PRR14L: variants seen among roughly 807,000 people sequenced by gnomAD.
PRR14L encodes the protein proline rich 14 like, also known as protein PRR14L.
PRR14L carries 80 observed loss-of-function variants against 155.0 expected under a neutral mutation model. The observed-to-expected ratio is 0.52, with a 90% confidence interval of 0.43 to 0.62. The LOEUF is 0.62. Among genes scored for constraint, PRR14L ranks in the 20% least tolerant of loss-of-function variants. The pLI is 0.00. For synonymous variants in PRR14L, 883 were observed against 916.0 expected, an observed-to-expected ratio of 0.96 and a Z score of 0.65; for missense variants, 2,469 against 2,548.0, an observed-to-expected ratio of 0.97 and a Z score of 0.67.
intron 4 of PRR14L, among the ~76,000 whole-genome samples, chr22:31,707,705 C>T (rs1338891543): frequency 1.3e-5 from 2 of 152,064 alleles, no homozygotes; most frequent in South Asian, 4.1e-4. Context: ...CAATTTAAAG[C>T]TGTGTGCCCT....
chr22:31,727,487 G>C, intron 2 of PRR14L, among the ~76,000 whole-genome samples: 2 of 151,556 alleles, frequency 1.3e-5, no homozygotes, highest in Non-Finnish European at 2.9e-5. Flanking sequence ...CACCCACCTT[G>C]GCCTCTCAAA....
rs1008770405 is a variant in PRR14L at position 31,728,914 on chromosome 22, C to T, written c.475-3304G>A. 5.3e-5 allele frequency among the ~76,000 whole-genome samples: 8 copies of T among 152,228 alleles called. No individual in the cohort carries two copies. In the East Asian group the frequency reaches 1.4e-3, roughly 26 times the overall value. ...AAAAAAACAAACAATAAAAACCAAG[C>T]ATGGTATAGAGTTCTCAATGCTAAA... is the stretch of plus-strand genomic sequence containing the variant. On this transcript the variant is annotated intron_variant, in intron 2 of 8. Transcript: ENST00000327423.
At chr22:31,689,894 C>T (rs576430801) in intron 7 of PRR14L, among the ~76,000 whole-genome samples, 5 of 151,804 alleles carry the variant, frequency 3.3e-5, no homozygotes, top group Non-Finnish European at 7.4e-5. Context: ...TACAGGCATC[C>T]GCCACCACAC....
chr22:31,747,171 C>T (rs5998112), intron 1 of PRR14L, among the ~76,000 whole-genome samples: 135 of 150,090 alleles, frequency 9.0e-4, no homozygotes, highest in African/African-American at 3.1e-3. Context: ...AGTGCAACAG[C>T]ATGATCTCGG....
chr22:31,695,241 C>T (rs1377199941), intron 7 of PRR14L, among the ~76,000 whole-genome samples: 1 of 152,200 alleles, frequency 6.6e-6, no homozygotes, highest in African/African-American at 2.4e-5. Context: ...ATCTGCCCTG[C>T]AGTACCTGCT....
chr22:31,724,393 A>C (rs1157720309), intron 3 of PRR14L, among the ~76,000 whole-genome samples: 3 of 152,108 alleles, frequency 2.0e-5, no homozygotes, highest in Admixed American at 2.0e-4. Context: ...TAGCGTATTC[A>C]CTTTATCTTC....
rs1314433134 is a variant in PRR14L at position 31,681,725 on chromosome 22, G to C, written c.*3802C>G. On this transcript the variant is annotated 3_prime_UTR_variant, in exon 9 of 9. Transcript: ENST00000327423. Reference sequence around the variant, plus strand: ...AAATAGCTTTTGCTGCTTGATTTGTGGCTAGACGGTAACATTAAACTGTAA... The same window carrying C: ...AAATAGCTTTTGCTGCTTGATTTGTCGCTAGACGGTAACATTAAACTGTAA... 1 of 152,108 alleles carries C rather than the reference G, an allele frequency of 6.6e-6. No individual in the cohort carries two copies. Among genetic ancestry groups the C allele is most frequent in the East Asian group, 1.9e-4 (1 of 5,200 alleles). The allele number at this position is 152,108 out of a possible 1,614,324, so 9.4% of individuals were successfully genotyped here.
In PRR14L at chr22:31,685,469, C is replaced by G. The variant is rs373521551; in HGVS notation, c.*58G>C. ...GAGGTCCAAAAAAAAAAAAAAAACC[C>G]AAAAACAAAACAAAACAAAAAAACC... On this transcript the variant is annotated 3_prime_UTR_variant, in exon 9 of 9. Coordinates refer to ENST00000327423, the MANE Select transcript of PRR14L (RefSeq NM_173566.3). 9.2e-6 allele frequency: 13 copies of G among 1,406,958 alleles called. No homozygotes were observed. In the Admixed American group the frequency reaches 3.1e-4, roughly 34 times the overall value. The allele number at this position is 1,406,958 out of a possible 1,614,324, so 87.2% of individuals were successfully genotyped here. A position where few individuals can be genotyped will look rare whatever the true frequency, so the allele number is the denominator to read the frequency against.
chr22:31,713,612 T>C lies in PRR14L; in HGVS notation c.4227A>G (p.Gln1409=). 6.4e-7 allele frequency: 1 copy of C among 1,552,010 alleles called. No individual in the cohort carries two copies. Among genetic ancestry groups the C allele is most frequent in the Non-Finnish European group, 8.7e-7 (1 of 1,147,060 alleles). Residue 1409 remains glutamine (Q), a synonymous_variant, in exon 4 of 9, where the codon CAA becomes CAG. Coordinates refer to ENST00000327423, the MANE Select transcript of PRR14L (RefSeq NM_173566.3). ...ACTGTTGCGATATCGTATGTGCTTT[T>C]TGTTGACGTATATATTTCTCTTCTT... ...LQKEEKYIRQ[Q]KAHTISQQCI... is the part of the protein sequence containing the mutation.
In PRR14L at chr22:31,681,484, T is replaced by G. The variant is rs2074453420; in HGVS notation, c.*4043A>C. On this transcript the variant is annotated 3_prime_UTR_variant, in exon 9 of 9. Coordinates refer to ENST00000327423, the MANE Select transcript of PRR14L (RefSeq NM_173566.3). ...CAATGTTACCAAAAATGTACAAATT[T>G]CATTGAACTACTGACCATGATAATA... 6.6e-6 allele frequency: 1 copy of G among 152,144 alleles called. No individual in the cohort carries two copies. The highest frequency in any genetic ancestry group is 2.1e-4 in the South Asian group (1 of 4,828). 9.4% of individuals were successfully genotyped at this position (152,144 alleles called of 1,614,324 possible). A position where few individuals can be genotyped will look rare whatever the true frequency, so the allele number is the denominator to read the frequency against.
intron 7 of PRR14L, among the ~76,000 whole-genome samples, chr22:31,691,872 C>CTT (rs781640481): frequency 2.3e-4 from 33 of 144,112 alleles, no homozygotes; most frequent in African/African-American, 8.4e-4. Context: ...TTTTCAATTC[C>CTT]TTTTTTTTTT....
chr22:31,718,693 T>C (rs775334466), intron 3 of PRR14L, among the ~76,000 whole-genome samples: 22 of 147,754 alleles, frequency 1.5e-4, no homozygotes, highest in Non-Finnish European at 1.8e-4. Flanking sequence ...ACTATACACA[T>C]GAACATGGGT....
In PRR14L at chr22:31,713,333, C is replaced by T. The variant is rs1333468188; in HGVS notation, c.4506G>A (p.Gly1502=). 15 of 1,552,296 alleles carry T rather than the reference C, an allele frequency of 9.7e-6. No individual in the cohort carries two copies. Among genetic ancestry groups the T allele is most frequent in the Non-Finnish European group, 1.2e-5 (14 of 1,147,118 alleles). ...PRKAQDPSSA[G]CDQIHGAFAK... The stretch of plus-strand genomic sequence containing the variant: ...CAAAGGCACCATGTATTTGATCACA[C>T]CCAGCAGAGGAGGGGTCTTGTGCTT... The change falls in exon 4 of 9, where the codon GGG becomes GGA. Residue 1502 remains glycine, a synonymous_variant. Coordinates refer to ENST00000327423, the MANE Select transcript of PRR14L (RefSeq NM_173566.3).
chr22:31,733,267 T>C (rs1315601634), intron 2 of PRR14L, among the ~76,000 whole-genome samples: 1 of 147,894 alleles, frequency 6.8e-6, no homozygotes, highest in African/African-American at 2.5e-5. Context: ...AGTGCTGGGA[T>C]CACAGGTGTG....
Position 31,712,545 on chromosome 22 carries a change from G to T in PRR14L, c.5294C>A (p.Ser1765Tyr). The T allele has an allele frequency of 6.4e-7, 1 of 1,551,770 alleles. No individual in the cohort carries two copies. Among genetic ancestry groups the T allele is most frequent in the Non-Finnish European group, 8.7e-7 (1 of 1,147,018 alleles). The part of the protein sequence containing the change: ...CPSQPPKWTF[S>Y]FFLSHGCPGM... ...AGGGCAACCGTGGGACAAGAAGAAA[G>T]AAAAGGTCCACTTGGGAGGTTGAGA... Residue 1765 changes from serine (S) to tyrosine (Y), a missense_variant, in exon 4 of 9, where the codon TCT (serine) becomes TAT (tyrosine). Transcript: ENST00000327423.
chr22:31,742,462 G>A (rs978879985), intron 1 of PRR14L, among the ~76,000 whole-genome samples: 1 of 151,782 alleles, frequency 6.6e-6, no homozygotes, highest in African/African-American at 2.4e-5. Context: ...CTGCCTCCCA[G>A]GTTCAAGGAT....
chr22:31,703,951 C>A (rs1029666279), intron 5 of PRR14L, among the ~76,000 whole-genome samples: 2 of 152,126 alleles, frequency 1.3e-5, no homozygotes, highest in Non-Finnish European at 2.9e-5. Context: ...GCATGCGCCA[C>A]CACGCCCAGC....
At position 31,749,985 on chromosome 22, in the gene PRR14L, C is replaced by T. The variant is rs1369285221; in HGVS notation, c.-52+8G>A. On this transcript the variant is annotated splice_region_variant and intron_variant, in intron 1 of 8. Coordinates refer to ENST00000327423, the MANE Select transcript of PRR14L (RefSeq NM_173566.3). The stretch of plus-strand genomic sequence containing the variant: ...TACGCCCGAAGCCTTCCAGTCCCGG[C>T]CTCTTACCCTGAGACCTCCTCCGCG... 1 of 153,368 alleles carries T rather than the reference C, an allele frequency of 6.5e-6. No homozygotes were observed. Among genetic ancestry groups the T allele is most frequent in the Non-Finnish European group, 1.5e-5 (1 of 68,886 alleles). 9.5% of individuals were successfully genotyped at this position (153,368 alleles called of 1,614,324 possible). A position where few individuals can be genotyped will look rare whatever the true frequency, so the allele number is the denominator to read the frequency against.
intron 4 of PRR14L, 88 bp downstream of exon 4, chr22:31,711,995 C>G (rs2074625610): frequency 1.6e-6 from 2 of 1,236,796 alleles, no homozygotes; most frequent in South Asian, 2.9e-5. Context: ...CTCTAAATAG[C>G]CTTGCATTTC....
Sources: gnomAD v4.1 joint callset for allele counts (sites outside exome capture counted in the v4.1 genomes callset) on GRCh38, gnomAD v4.1.1 for gene constraint, MANE v1.5 for transcripts, NCBI Gene and HGNC (gene_info 2026-07-23, HGNC 2026-07-21) for gene names.